The following PLEKHA1 variants were observed in gnomAD, a reference collection of about 807,000 sequenced individuals.
The protein encoded by PLEKHA1 is pleckstrin homology domain-containing family A member 1.
A neutral mutation model predicts 52.0 loss-of-function variants in PLEKHA1; 34 were observed. The observed-to-expected ratio is 0.65, with a 90% confidence interval of 0.50 to 0.87. The LOEUF is 0.87. Among genes scored for constraint, PLEKHA1 ranks in the 40% least tolerant of loss-of-function variants. PLEKHA1 has a pLI of 0.00. For synonymous variants in PLEKHA1, 163 were observed against 170.7 expected, an observed-to-expected ratio of 0.95 and a Z score of 0.35; for missense variants, 497 against 504.2, an observed-to-expected ratio of 0.99 and a Z score of 0.14.
At chr10:122,413,085 T>C (rs1376508137) in intron 6 of PLEKHA1, 40 bp downstream of exon 6, 5 of 1,537,180 alleles carry the variant, frequency 3.3e-6, no homozygotes, top group African/African-American at 1.4e-5. Context: ...GGTCTAATTA[T>C]TGTATATTGA....
chr10:122,430,578 A>G lies in PLEKHA1; in HGVS notation c.*640A>G, dbSNP rs1368944864. 3 of 152,504 alleles carry G rather than the reference A, an allele frequency of 2.0e-5. No homozygotes were observed. Among genetic ancestry groups the G allele is most frequent in the African/African-American group, 4.8e-5 (2 of 41,462 alleles). The allele number at this position is 152,504 out of a possible 1,614,324, so 9.4% of individuals were successfully genotyped here. A position where few individuals can be genotyped will look rare whatever the true frequency, so the allele number is the denominator to read the frequency against. ...AGAAAAGAAGAAAACTAGAATTGAA[A>G]CAACTGTGTCTTAGACATTTGTTTG... On this transcript the variant is annotated 3_prime_UTR_variant, in exon 12 of 12. Transcript: ENST00000368990.
At chr10:122,425,418 A>C (rs1260260046) in intron 10 of PLEKHA1, 1 of 152,294 alleles carries the variant, frequency 6.6e-6, no homozygotes, top group Admixed American at 6.6e-5. Flanking sequence ...TTAAATGGAA[A>C]ATTTTAAAAA....
At chr10:122,379,945 T>G (rs1243116017) in intron 1 of PLEKHA1, among the ~76,000 whole-genome samples, 1 of 152,196 alleles carries the variant, frequency 6.6e-6, no homozygotes, top group African/African-American at 2.4e-5. Context: ...TTATGACTGA[T>G]TTGTAAGATC....
At chr10:122,429,406 G>A (rs915139028) in intron 11 of PLEKHA1, among the ~76,000 whole-genome samples, 5 of 151,946 alleles carry the variant, frequency 3.3e-5, no homozygotes, top group African/African-American at 1.2e-4. Flanking sequence ...ATGGTTTTTG[G>A]CTATCATTGC....
At chr10:122,385,844 A>G (rs2096686868) in intron 1 of PLEKHA1, among the ~76,000 whole-genome samples, 1 of 152,102 alleles carries the variant, frequency 6.6e-6, no homozygotes, top group South Asian at 2.1e-4. Context: ...GTAATATTTT[A>G]TTGTATTGGA....
intron 5 of PLEKHA1, chr10:122,412,262 T>C (rs1162048928): frequency 6.6e-6 from 1 of 152,206 alleles, no homozygotes; most frequent in Admixed American, 6.5e-5. Flanking sequence ...CTTCTTTAAA[T>C]TTCTAATGAA....
intron 5 of PLEKHA1, among the ~76,000 whole-genome samples, chr10:122,407,317 CTTCTT>C (rs775806228): frequency 6.6e-6 from 1 of 152,080 alleles, no homozygotes; most frequent in Non-Finnish European, 1.5e-5. Context: ...CTAATGTGTG[CTTCTT>C]TTCTTTTTTG....
At chr10:122,422,532 C>G (rs756866870) in intron 8 of PLEKHA1, 15 of 152,194 alleles carry the variant, frequency 9.9e-5, no homozygotes, top group African/African-American at 3.6e-4. Context: ...TAAACTGAAT[C>G]TCAGCACGAA....
the PLEKHA1 span, chr10:122,439,484 C>T: frequency 2.6e-5 from 4 of 151,478 alleles, no homozygotes; most frequent in East Asian, 7.8e-4. Flanking sequence ...GTAATCCTAG[C>T]ATTTTGGGAG....
chr10:122,421,164 T>A (rs2097255225), intron 8 of PLEKHA1: 1 of 151,886 alleles, frequency 6.6e-6, no homozygotes, highest in African/African-American at 2.4e-5. Context: ...GGTCAGATGA[T>A]TAAAGTGAAT....
chr10:122,412,855 G>A, intron 5 of PLEKHA1, 65 bp from the exon 6 acceptor site: 1 of 1,549,740 alleles, frequency 6.5e-7, no homozygotes, highest in Non-Finnish European at 8.8e-7. Flanking sequence ...TAGAAATTCT[G>A]CGAGAAAACA....
chr10:122,382,188 A>G lies in PLEKHA1; in HGVS notation c.-21+7382A>G, dbSNP rs373458135. Among the ~76,000 whole-genome samples, 25 of 152,356 alleles carry G rather than the reference A, an allele frequency of 1.6e-4. No individual in the cohort carries two copies. The East Asian group carries it at 3.5e-3, about 21-fold the overall frequency. ...TTATTTAAAATGTATGATTTAGTGC[A>G]TTCACAGTTACGTGGACAACACCAC... On this transcript the variant is annotated intron_variant, in intron 1 of 11. Coordinates refer to ENST00000368990, the MANE Select transcript of PLEKHA1 (RefSeq NM_001001974.4).
chr10:122,381,839 A>C (rs1009590880), intron 1 of PLEKHA1, among the ~76,000 whole-genome samples: 24 of 152,278 alleles, frequency 1.6e-4, no homozygotes, highest in South Asian at 8.3e-4. Flanking sequence ...CAGTTTGTTA[A>C]GTTTGAGATA....
intron 5 of PLEKHA1, among the ~76,000 whole-genome samples, chr10:122,409,426 T>TTATAGTGGAAATATA (rs139760870): frequency 2.0e-5 from 3 of 152,176 alleles, no homozygotes; most frequent in African/African-American, 7.2e-5. Flanking sequence ...CACTGTTCAT[T>TTATAGTGGAAATATA]TATAGTGGAA....
chr10:122,376,858 A>G (rs1383501511), intron 1 of PLEKHA1, among the ~76,000 whole-genome samples: 1 of 152,232 alleles, frequency 6.6e-6, no homozygotes, highest in East Asian at 1.9e-4. Context: ...AAGTCATTCA[A>G]GTATCGTTTG....
Position 122,424,180 on chromosome 10 carries a change from T to TTTG in PLEKHA1, c.682-17_682-16insGTT. On this transcript the variant is annotated intron_variant, in intron 8 of 11. Transcript: ENST00000368990. The stretch of plus-strand genomic sequence containing the variant: ...TAAACATCATGTAACTGTTTTTTTT[T>TTTG]TTTTTTTTTTTTTGCCAGGAAAAGG... The TTTG allele has an allele frequency of 4.1e-6, 6 of 1,454,644 alleles. No homozygotes were observed. Among genetic ancestry groups the TTTG allele is most frequent in the East Asian group, 5.2e-5 (2 of 38,328 alleles). The allele number at this position is 1,454,644 out of a possible 1,614,324, so 90.1% of individuals were successfully genotyped here. A position where few individuals can be genotyped will look rare whatever the true frequency, so the allele number is the denominator to read the frequency against.
At chr10:122,426,897 T>G in intron 10 of PLEKHA1, 45 bp from the exon 11 acceptor site, 1 of 1,483,948 alleles carries the variant, frequency 6.7e-7, no homozygotes, top group East Asian at 2.3e-5. Flanking sequence ...TAGAAGTAGG[T>G]GATTTTGAGA....
chr10:122,437,553 T>C, the PLEKHA1 span: 1 of 152,198 alleles, frequency 6.6e-6, no homozygotes, highest in Non-Finnish European at 1.5e-5. Context: ...AGATCATCTT[T>C]AGAGAGAATG....
At chr10:122,388,618 T>C (rs1388087296) in intron 1 of PLEKHA1, among the ~76,000 whole-genome samples, 1 of 152,252 alleles carries the variant, frequency 6.6e-6, no homozygotes, top group East Asian at 1.9e-4. Context: ...GTTTACACTA[T>C]ACTGTAACCT....
Sources: gnomAD v4.1 joint callset for allele counts (sites outside exome capture counted in the v4.1 genomes callset) on GRCh38, gnomAD v4.1.1 for gene constraint, MANE v1.5 for transcripts, NCBI Gene and HGNC (gene_info 2026-07-23, HGNC 2026-07-21) for gene names.